WDR43: variants seen among roughly 807,000 people sequenced by gnomAD.
WDR43 encodes the protein WD repeat domain 43.
WDR43 carries 13 observed loss-of-function variants against 91.4 expected under a neutral mutation model. That is an observed-to-expected ratio of 0.14 (90% CI 0.09 to 0.23). The LOEUF is 0.23. Among genes scored for constraint, WDR43 ranks in the 10% least tolerant of loss-of-function variants. The pLI is 1.00. For missense variants in WDR43, 780 were observed against 809.4 expected (o/e 0.96, Z 0.44); for synonymous variants, 331 against 287.9 (o/e 1.15, Z -1.51).
chr2:28,946,949 AAG>A lies in WDR43; in HGVS notation c.*173_*174del, dbSNP rs1466875342. 1 of 654,786 alleles carries A rather than the reference AAG, an allele frequency of 1.5e-6. No individual in the cohort carries two copies. Among genetic ancestry groups the A allele is most frequent in the African/African-American group, 1.8e-5 (1 of 54,856 alleles). The allele number at this position is 654,786 out of a possible 1,614,324, so 40.6% of individuals were successfully genotyped here. A position where few individuals can be genotyped will look rare whatever the true frequency, so the allele number is the denominator to read the frequency against. ...GCACCCCAGACTTGACTGTGTAAAT[AAG>A]AGTGTTTCATTCAAATGTTAATAAA... On this transcript the variant is annotated 3_prime_UTR_variant, in exon 18 of 18. Coordinates refer to ENST00000407426, the MANE Select transcript of WDR43 (RefSeq NM_015131.3).
chr2:28,926,664 T>C, intron 9 of WDR43, 110 bp downstream of exon 9: 1 of 924,960 alleles, frequency 1.1e-6, no homozygotes, highest in Non-Finnish European at 1.6e-6. Flanking sequence ...TTAATATCTT[T>C]ATTCTCTTGT....
intron 11 of WDR43, among the ~76,000 whole-genome samples, chr2:28,935,007 G>T (rs893025368): frequency 1.3e-5 from 2 of 152,166 alleles, no homozygotes. Context: ...GTAACCCAGT[G>T]TGGAGACTGG....
At chr2:28,910,826 T>C (rs1238783495) in intron 3 of WDR43, among the ~76,000 whole-genome samples, 1 of 151,784 alleles carries the variant, frequency 6.6e-6, no homozygotes, top group Non-Finnish European at 1.5e-5. Context: ...GCCTCCCGAG[T>C]ACCTGGGATT....
intron 3 of WDR43, among the ~76,000 whole-genome samples, chr2:28,911,671 AC>A (rs1203405564): frequency 6.7e-6 from 1 of 148,186 alleles, no homozygotes. Flanking sequence ...TTGCTCTGTC[AC>A]CCAGGCTGGA....
Position 28,946,443 on chromosome 2 carries a change from C to T in WDR43, c.1805-7C>T, listed in dbSNP as rs755294660. 1.2e-6 allele frequency: 2 copies of T among 1,607,626 alleles called. No individual in the cohort carries two copies. The highest frequency in any genetic ancestry group is 1.1e-5 in the South Asian group (1 of 89,776). ...AAATTAAGGCTGGGTTCTTTCTCCC[C>T]TTACAGAGTCTTCTGAAGAGGAGTC... On this transcript the variant is annotated splice_region_variant and splice_polypyrimidine_tract_variant and intron_variant, in intron 16 of 17. Coordinates refer to ENST00000407426, the MANE Select transcript of WDR43 (RefSeq NM_015131.3).
intron 1 of WDR43, among the ~76,000 whole-genome samples, chr2:28,900,527 G>C (rs1670559387): frequency 6.6e-6 from 1 of 152,120 alleles, no homozygotes. Context: ...TGCTGAGATG[G>C]TACTAGGTTA....
intron 1 of WDR43, among the ~76,000 whole-genome samples, chr2:28,899,004 A>G (rs1252065150): frequency 6.6e-6 from 1 of 151,208 alleles, no homozygotes; most frequent in Non-Finnish European, 1.5e-5. Context: ...TCAAATGCTG[A>G]TGATGGATCA....
At chr2:28,910,475 T>C (rs1202990659) in intron 3 of WDR43, among the ~76,000 whole-genome samples, 2 of 152,130 alleles carry the variant, frequency 1.3e-5, no homozygotes, top group African/African-American at 4.8e-5. Context: ...GAATTTCGTG[T>C]TTATCAACAA....
At chr2:28,916,134 G>A (rs1670905028) in intron 5 of WDR43, among the ~76,000 whole-genome samples, 1 of 152,172 alleles carries the variant, frequency 6.6e-6, no homozygotes, top group African/African-American at 2.4e-5. Context: ...GATAATGAAT[G>A]TGTTTCCTCA....
Position 28,902,001 on chromosome 2 carries a change from GA to G in WDR43, c.247del (p.Arg83GlyfsTer6), listed in dbSNP as rs1346588778. ...TTTTTTTCCAGGAAAGTCCCCAGAG[GA>G]AAAAAAGGAAATCAGAAGCTGTAGG... is the stretch of plus-strand genomic sequence containing the variant. ...RLQAKESPQR[K>X]KRKSEAVGMS... On this transcript the variant is annotated frameshift_variant, in exon 2 of 18. Coordinates refer to ENST00000407426, the MANE Select transcript of WDR43 (RefSeq NM_015131.3). LOFTEE classifies it high-confidence loss of function. 6 of 1,590,780 alleles carry G rather than the reference GA, an allele frequency of 3.8e-6. No individual in the cohort carries two copies. Among genetic ancestry groups the G allele is most frequent in the Admixed American group, 1.9e-5 (1 of 51,980 alleles).
chr2:28,944,490 T>C (rs1408337615), intron 16 of WDR43, among the ~76,000 whole-genome samples: 3 of 152,252 alleles, frequency 2.0e-5, no homozygotes, highest in Non-Finnish European at 4.4e-5. Context: ...AAAACATATA[T>C]GTAGAGATTA....
intron 6 of WDR43, among the ~76,000 whole-genome samples, chr2:28,918,733 T>C (rs2148187700): frequency 6.6e-6 from 1 of 152,280 alleles, no homozygotes; most frequent in South Asian, 2.1e-4. Flanking sequence ...AAAGAATTTT[T>C]CATGTAAAAA....
At chr2:28,929,946 G>A in intron 11 of WDR43, 1 of 586,798 alleles carries the variant, frequency 1.7e-6, no homozygotes, top group South Asian at 1.8e-5. Context: ...TAGAAATACT[G>A]TTCTGAATTA....
intron 7 of WDR43, among the ~76,000 whole-genome samples, chr2:28,924,643 G>A (rs543192569): frequency 1.8e-3 from 270 of 152,170 alleles, no homozygotes; most frequent in Non-Finnish European, 3.2e-3. Flanking sequence ...AACTGGAGAC[G>A]GGACTGACTG....
chr2:28,895,030 G>T, intron 1 of WDR43, 107 bp downstream of exon 1: 1 of 1,173,096 alleles, frequency 8.5e-7, no homozygotes, highest in South Asian at 2.2e-5. Flanking sequence ...TCAGCGGCCC[G>T]GGCCAGAAGG....
chr2:28,921,709 A>C (rs1297583777), intron 6 of WDR43, among the ~76,000 whole-genome samples: 1 of 151,606 alleles, frequency 6.6e-6, no homozygotes, highest in Non-Finnish European at 1.5e-5. Flanking sequence ...TCTTCCCCTA[A>C]ACTTTTTCTT....
rs370281182 is a variant in WDR43 at position 28,918,447 on chromosome 2, C to T, written c.849+452C>T. Reference sequence around the variant, plus strand: ...GCAATGGCACGGTCGCGACTAACCACGACCTCTGCCTCCCGGGTTCAAGCA... The same window carrying T: ...GCAATGGCACGGTCGCGACTAACCATGACCTCTGCCTCCCGGGTTCAAGCA... On this transcript the variant is annotated intron_variant, in intron 6 of 17. Coordinates refer to ENST00000407426, the MANE Select transcript of WDR43 (RefSeq NM_015131.3). 1.4e-3 allele frequency among the ~76,000 whole-genome samples: 211 copies of T among 152,162 alleles called. 1 individual carries two copies. The highest frequency in any genetic ancestry group is 4.2e-3 in the African/African-American group (175 of 41,498).
At chr2:28,895,543 C>T (rs937479529) in intron 1 of WDR43, among the ~76,000 whole-genome samples, 2 of 152,096 alleles carry the variant, frequency 1.3e-5, no homozygotes, top group East Asian at 1.9e-4. Flanking sequence ...TCTGCTCGCC[C>T]CTCCCGCCCC....
chr2:28,924,390 G>A (rs921083949), intron 7 of WDR43, among the ~76,000 whole-genome samples: 13 of 151,938 alleles, frequency 8.6e-5, no homozygotes, highest in Admixed American at 1.3e-4. Flanking sequence ...TTTTAGGGAC[G>A]AAAAAGGGAT....
Sources: gnomAD v4.1 joint callset for allele counts (sites outside exome capture counted in the v4.1 genomes callset) on GRCh38, gnomAD v4.1.1 for gene constraint, MANE v1.5 for transcripts, NCBI Gene and HGNC (gene_info 2026-07-23, HGNC 2026-07-21) for gene names.